Variants in NLGN1 observed in about 807,000 individuals in gnomAD.
NLGN1 encodes the protein neuroligin-1.
A neutral mutation model predicts 65.5 loss-of-function variants in NLGN1; 12 were observed. That is an observed-to-expected ratio of 0.18 (90% CI 0.12 to 0.30). NLGN1 has a LOEUF of 0.30. Among genes scored for constraint, NLGN1 ranks in the 10% least tolerant of loss-of-function variants. NLGN1 has a pLI of 1.00. For synonymous variants in NLGN1, 350 were observed against 359.5 expected, an observed-to-expected ratio of 0.97 and a Z score of 0.30; for missense variants, 750 against 1,007.1, an observed-to-expected ratio of 0.74 and a Z score of 3.46.
At chr3:173,839,867 GTAT>G (rs1428733742) in intron 4 of NLGN1, among the ~76,000 whole-genome samples, 1 of 83,086 alleles carries the variant, frequency 1.2e-5, no homozygotes, top group Non-Finnish European at 3.2e-5. Flanking sequence ...AGGAAATGTG[GTAT>G]TATAGATATA....
At chr3:173,686,720 C>T (rs772714428) in intron 3 of NLGN1, among the ~76,000 whole-genome samples, 2 of 151,934 alleles carry the variant, frequency 1.3e-5, no homozygotes, top group African/African-American at 4.8e-5. Flanking sequence ...TTTGGGAGGC[C>T]GAGGCAGGCA....
chr3:173,843,544 C>T (rs1423414465), intron 4 of NLGN1, among the ~76,000 whole-genome samples: 1 of 152,180 alleles, frequency 6.6e-6, no homozygotes, highest in African/African-American at 2.4e-5. Flanking sequence ...GCCAGATACC[C>T]TAAATCATCT....
intron 3 of NLGN1, among the ~76,000 whole-genome samples, chr3:173,664,278 A>T (rs562219699): frequency 6.6e-6 from 1 of 152,188 alleles, no homozygotes; most frequent in African/African-American, 2.4e-5. Context: ...AATGAACTTT[A>T]AAAAAATTCA....
chr3:173,953,073 T>G (rs773799362), intron 4 of NLGN1, among the ~76,000 whole-genome samples: 2 of 152,136 alleles, frequency 1.3e-5, no homozygotes, highest in Non-Finnish European at 2.9e-5. Context: ...GCCACCGTGC[T>G]CAGCCCTAAA....
At chr3:173,786,478 T>G (rs1172746740) in intron 3 of NLGN1, among the ~76,000 whole-genome samples, 1 of 152,172 alleles carries the variant, frequency 6.6e-6, no homozygotes, top group Non-Finnish European at 1.5e-5. Flanking sequence ...TTGAAAATCA[T>G]TCTTTCTCAA....
At chr3:173,838,150 G>A (rs895532560) in intron 4 of NLGN1, among the ~76,000 whole-genome samples, 1 of 151,504 alleles carries the variant, frequency 6.6e-6, no homozygotes, top group African/African-American at 2.4e-5. Flanking sequence ...ATTAACTTGA[G>A]CATTTGTTTA....
At chr3:173,923,207 A>G (rs577774711) in intron 4 of NLGN1, among the ~76,000 whole-genome samples, 1 of 152,272 alleles carries the variant, frequency 6.6e-6, no homozygotes, top group African/African-American at 2.4e-5. Flanking sequence ...AAGTCAGTTT[A>G]CTACCATGGT....
intron 2 of NLGN1, among the ~76,000 whole-genome samples, chr3:173,557,968 GT>G (rs1408100563): frequency 6.6e-6 from 1 of 151,894 alleles, no homozygotes; most frequent in African/African-American, 2.4e-5. Flanking sequence ...ATGTAAAAAT[GT>G]CTTTAAAATT....
intron 4 of NLGN1, among the ~76,000 whole-genome samples, chr3:173,958,873 AG>A (rs948787241): frequency 3.3e-5 from 5 of 152,064 alleles, no homozygotes; most frequent in Non-Finnish European, 7.4e-5. Flanking sequence ...CAAAGTCTGG[AG>A]GGGGCCTAGG....
At chr3:173,816,832 G>A (rs914020176) in intron 4 of NLGN1, among the ~76,000 whole-genome samples, 1 of 152,126 alleles carries the variant, frequency 6.6e-6, no homozygotes, top group African/African-American at 2.4e-5. Flanking sequence ...ATTCTGATTT[G>A]GTTTAAATGT....
In NLGN1 at chr3:173,575,918, T is replaced by C. The variant is rs369056415; in HGVS notation, c.-320-28361T>C. Among the ~76,000 whole-genome samples the C allele has an allele frequency of 3.3e-5, 5 of 152,142 alleles. No individual in the cohort carries two copies. In the East Asian group the frequency reaches 7.7e-4, roughly 23 times the overall value. On this transcript the variant is annotated intron_variant, in intron 2 of 6. Transcript: ENST00000457714. Reference sequence around the variant, plus strand: ...AGCTTTAGAATGATATGGAATAATATATAAAATTTTCTTTTTAACTTGTTT... The same window carrying C: ...AGCTTTAGAATGATATGGAATAATACATAAAATTTTCTTTTTAACTTGTTT...
upstream of NLGN1, chr3:173,397,893 A>T (rs1716911627): frequency 6.6e-6 from 1 of 152,122 alleles, no homozygotes; most frequent in Non-Finnish European, 1.5e-5. Flanking sequence ...TCCGAGCCGG[A>T]GAGACCGGAG....
At chr3:174,129,354 A>AACACAC (rs61122760) in intron 4 of NLGN1, among the ~76,000 whole-genome samples, 10,962 of 116,666 alleles carry the variant, frequency 0.094, 716 homozygotes, top group Admixed American at 0.13. Flanking sequence ...CCCGGTTTAC[A>AACACAC]ACACACACAC....
At chr3:173,881,114 T>TG (rs1733161009) in intron 4 of NLGN1, among the ~76,000 whole-genome samples, 1 of 142,548 alleles carries the variant, frequency 7.0e-6, no homozygotes, top group African/African-American at 2.8e-5. Context: ...TTTTTTTTTT[T>TG]GAGACAGAGC....
intron 4 of NLGN1, among the ~76,000 whole-genome samples, chr3:174,002,742 C>A (rs545966402): frequency 6.6e-6 from 1 of 151,824 alleles, no homozygotes; most frequent in South Asian, 2.1e-4. Flanking sequence ...TATAGCACCC[C>A]CTGGGGGAAA....
At chr3:174,237,357 A>G (rs1050323714) in intron 4 of NLGN1, among the ~76,000 whole-genome samples, 7 of 152,096 alleles carry the variant, frequency 4.6e-5, no homozygotes, top group Admixed American at 1.3e-4. Context: ...TATACTGTTA[A>G]TTATGTTTAA....
chr3:173,908,107 G>A (rs1738828531), intron 4 of NLGN1, among the ~76,000 whole-genome samples: 1 of 152,170 alleles, frequency 6.6e-6, no homozygotes, highest in Non-Finnish European at 1.5e-5. Flanking sequence ...ATTACTGCAT[G>A]TTAGTTAAAA....
intron 2 of NLGN1, among the ~76,000 whole-genome samples, chr3:173,478,892 G>A (rs1052134729): frequency 2.7e-5 from 4 of 148,682 alleles, no homozygotes; most frequent in Non-Finnish European, 4.5e-5. Context: ...ACCGTGTCTC[G>A]ATTAAAAAAA....
intron 3 of NLGN1, among the ~76,000 whole-genome samples, chr3:173,713,447 A>T (rs1769323600): frequency 6.6e-6 from 1 of 152,090 alleles, no homozygotes; most frequent in Non-Finnish European, 1.5e-5. Context: ...AGAATAGAAG[A>T]GTTAAGAGAA....
Sources: allele counts gnomAD v4.1 joint callset (sites outside exome capture counted in the v4.1 genomes callset), GRCh38; gene constraint gnomAD v4.1.1; transcripts MANE v1.5; gene names NCBI Gene and HGNC (gene_info 2026-07-23, HGNC 2026-07-21).